ATP2B1: variants seen among roughly 807,000 people sequenced by gnomAD.
The protein encoded by ATP2B1 is ATPase plasma membrane Ca2+ transporting 1, also known as plasma membrane calcium-transporting ATPase 1.
A neutral mutation model predicts 124.2 loss-of-function variants in ATP2B1; 14 were observed. The observed-to-expected ratio is 0.11, with a 90% CI of 0.07 to 0.18. The LOEUF (loss-of-function observed/expected upper bound fraction) is 0.18. Ranked by LOEUF, ATP2B1 falls within the 10% of genes least tolerant of loss-of-function variation. The pLI is 1.00. For synonymous variants in ATP2B1, 449 were observed against 492.4 expected, an observed-to-expected ratio of 0.91 and a Z score of 1.17; for missense variants, 763 against 1,466.1, an observed-to-expected ratio of 0.52 and a Z score of 7.83.
chr12:89,626,766 G>T, intron 7 of ATP2B1, 151 bp from the exon 8 acceptor site: 1 of 849,126 alleles, frequency 1.2e-6, no homozygotes, highest in East Asian at 2.9e-5. Flanking sequence ...TCTACACAGA[G>T]AAAATAAGAC....
chr12:89,600,840 G>A (rs1249517042), intron 19 of ATP2B1, among the ~76,000 whole-genome samples: 1 of 151,796 alleles, frequency 6.6e-6, no homozygotes, highest in Admixed American at 6.6e-5. Flanking sequence ...GTAGAGACGG[G>A]GTTTCACCAT....
At chr12:89,643,104 GTA>G (rs761020252) in intron 2 of ATP2B1, among the ~76,000 whole-genome samples, 12 of 111,538 alleles carry the variant, frequency 1.1e-4, no homozygotes, top group African/African-American at 3.9e-4. Context: ...ATATACATAC[GTA>G]TATATATACG....
At chr12:89,696,310 C>T (rs948167621) in intron 1 of ATP2B1, among the ~76,000 whole-genome samples, 2 of 152,104 alleles carry the variant, frequency 1.3e-5, no homozygotes, top group Admixed American at 1.3e-4. Context: ...CCACAAACTA[C>T]CAAAATCCTT....
intron 1 of ATP2B1, among the ~76,000 whole-genome samples, chr12:89,662,784 A>G (rs923465702): frequency 6.6e-6 from 1 of 152,144 alleles, no homozygotes; most frequent in Non-Finnish European, 1.5e-5. Context: ...TCCCCTAAGT[A>G]ACTTACTTAT....
At chr12:89,633,163 T>G (rs901606229) in intron 5 of ATP2B1, among the ~76,000 whole-genome samples, 1 of 152,144 alleles carries the variant, frequency 6.6e-6, no homozygotes. Context: ...GCAAGGTAAG[T>G]AGAATGAGTT....
At chr12:89,657,525 T>G (rs962465425) in intron 1 of ATP2B1, among the ~76,000 whole-genome samples, 1 of 152,196 alleles carries the variant, frequency 6.6e-6, no homozygotes, top group Non-Finnish European at 1.5e-5. Flanking sequence ...TGTTTGATGA[T>G]TAGAACTAGA....
At chr12:89,668,485 C>T (rs1887564085) in intron 1 of ATP2B1, among the ~76,000 whole-genome samples, 1 of 152,136 alleles carries the variant, frequency 6.6e-6, no homozygotes, top group Non-Finnish European at 1.5e-5. Context: ...CTCCTGACTT[C>T]CTAATTCTTT....
rs186661759 is a variant in ATP2B1, at chr12:89,590,790, C to A, written c.*194G>T. 1.5e-5 allele frequency: 9 copies of A among 595,314 alleles called. No homozygotes were observed. Among genetic ancestry groups the A allele is most frequent in the African/African-American group, 1.1e-4 (6 of 53,412 alleles). 36.9% of individuals were successfully genotyped at this position (595,314 alleles called of 1,614,324 possible). On this transcript the variant is annotated 3_prime_UTR_variant, in exon 21 of 21. Coordinates refer to ENST00000428670, the MANE Select transcript of ATP2B1 (RefSeq NM_001366521.1). ...TCTGTCAGTTCATTTCTCCCACCCC[C>A]CAAAAAGCACCCTCAGTCTGGCAGA... is the stretch of plus-strand genomic sequence containing the variant.
chr12:89,664,287 T>C (rs1242176035), intron 1 of ATP2B1, among the ~76,000 whole-genome samples: 1 of 152,226 alleles, frequency 6.6e-6, no homozygotes, highest in South Asian at 2.1e-4. Flanking sequence ...TGGCTTTTGA[T>C]AGCTGTCATT....
chr12:89,683,146 A>G (rs1401220401), intron 1 of ATP2B1, among the ~76,000 whole-genome samples: 1 of 152,256 alleles, frequency 6.6e-6, no homozygotes, highest in African/African-American at 2.4e-5. Flanking sequence ...CACATTAATG[A>G]AAGTTCAAAA....
intron 2 of ATP2B1, among the ~76,000 whole-genome samples, chr12:89,648,228 G>A (rs1414777952): frequency 1.3e-5 from 2 of 152,182 alleles, no homozygotes; most frequent in African/African-American, 4.8e-5. Context: ...ACAGGGAAAT[G>A]AGGGAAAGTC....
chr12:89,659,327 C>T (rs1886382276), intron 1 of ATP2B1, among the ~76,000 whole-genome samples: 1 of 151,364 alleles, frequency 6.6e-6, no homozygotes, highest in African/African-American at 2.4e-5. Flanking sequence ...TCTGAACAAA[C>T]CACTGTTGGT....
chr12:89,638,397 G>C (rs1030870557), intron 3 of ATP2B1, among the ~76,000 whole-genome samples: 1 of 152,164 alleles, frequency 6.6e-6, no homozygotes, highest in African/African-American at 2.4e-5. Context: ...AGTTCTCAAA[G>C]TGCTGTCGTG....
At chr12:89,614,523 C>G (rs549043983) in intron 12 of ATP2B1, among the ~76,000 whole-genome samples, 2 of 152,184 alleles carry the variant, frequency 1.3e-5, no homozygotes, top group African/African-American at 4.8e-5. Context: ...TGGTAACCCT[C>G]TATCAGCCAC....
rs564966297 is a variant in ATP2B1, at chr12:89,591,849, A to C, written c.3352-554T>G. ...AAAACAAAAATAAGAACAAAACCCA[A>C]ATAAATGTCTATAAAATGCCATTAA... is the stretch of plus-strand genomic sequence containing the variant. On this transcript the variant is annotated intron_variant, in intron 20 of 20. Transcript: ENST00000428670. Among the ~76,000 whole-genome samples the C allele has an allele frequency of 2.7e-4, 41 of 152,148 alleles. 1 individual carries two copies. Among genetic ancestry groups the C allele is most frequent in the Admixed American group, 7.9e-4 (12 of 15,254 alleles).
chr12:89,592,727 C>A (rs1490639887), intron 20 of ATP2B1, among the ~76,000 whole-genome samples: 1 of 152,068 alleles, frequency 6.6e-6, no homozygotes. Context: ...ACTTGCCTTA[C>A]GGGGTTGTTG....
intron 6 of ATP2B1, 63 bp from the exon 7 acceptor site, chr12:89,627,779 T>G (rs371144264): frequency 6.6e-7 from 1 of 1,520,948 alleles, no homozygotes; most frequent in Admixed American, 1.7e-5. Flanking sequence ...TGCTAAATTA[T>G]GCAGAAGTAG....
intron 20 of ATP2B1, among the ~76,000 whole-genome samples, chr12:89,592,071 T>C (rs2135843312): frequency 6.6e-6 from 1 of 152,220 alleles, no homozygotes; most frequent in African/African-American, 2.4e-5. Context: ...AAAAGTTTTC[T>C]AGTATTTTCA....
intron 9 of ATP2B1, among the ~76,000 whole-genome samples, chr12:89,622,181 T>C (rs1238446788): frequency 2.6e-5 from 4 of 151,966 alleles, no homozygotes; most frequent in South Asian, 2.1e-4. Context: ...AGTGTAAGAG[T>C]ATATTAAAGG....
Sources: gnomAD v4.1 joint callset for allele counts (sites outside exome capture counted in the v4.1 genomes callset) on GRCh38, gnomAD v4.1.1 for gene constraint, MANE v1.5 for transcripts, NCBI Gene and HGNC (gene_info 2026-07-23, HGNC 2026-07-21) for gene names.